BTK: variants seen among roughly 807,000 people sequenced by gnomAD.
BTK encodes Bruton tyrosine kinase, also known as tyrosine-protein kinase BTK.
A neutral mutation model predicts 57.4 loss-of-function variants in BTK; 5 were observed. That is an observed-to-expected ratio of 0.09 (90% CI 0.05 to 0.18). The LOEUF is 0.18. Ranked by LOEUF, BTK falls within the 10% of genes least tolerant of loss-of-function variation. BTK has a pLI of 1.00. For synonymous variants in BTK, 154 were observed against 174.3 expected (o/e 0.88, Z 0.92); for missense variants, 194 against 501.2 (o/e 0.39, Z 5.85).
chrX:101,376,661 A>C (rs1261786338), intron 1 of BTK, among the ~76,000 whole-genome samples: 1 of 108,772 alleles, frequency 9.2e-6, no homozygotes, highest in African/African-American at 3.3e-5. Flanking sequence ...ACAAAAAAAC[A>C]CTAAGTAAGT....
At chrX:101,350,693 C>T (rs190531365) in intron 18 of BTK, among the ~76,000 whole-genome samples, 197 of 110,977 alleles carry the variant, frequency 1.8e-3, no homozygotes, top group African/African-American at 6.2e-3. Flanking sequence ...GTAATTCCCC[C>T]GCCTCAGCCT....
intron 18 of BTK, among the ~76,000 whole-genome samples, chrX:101,351,873 A>G (rs1555977074): frequency 1.8e-5 from 2 of 111,962 alleles, no homozygotes; most frequent in East Asian, 2.8e-4. Context: ...TTTAAAAAAA[A>G]TCTCATTTAG....
At chrX:101,359,780 C>A (rs868958210) in intron 9 of BTK, among the ~76,000 whole-genome samples, 23 of 108,524 alleles carry the variant, frequency 2.1e-4, no homozygotes, top group Non-Finnish European at 1.9e-4. Flanking sequence ...AAAGGTAAGA[C>A]AGATACACTA....
chrX:101,367,790 T>C (rs1555979711), intron 5 of BTK, among the ~76,000 whole-genome samples: 1 of 111,766 alleles, frequency 8.9e-6, no homozygotes, highest in African/African-American at 3.2e-5. Context: ...CTTCAGCTAG[T>C]CTGCCTTGCA....
At chrX:101,381,096 T>G (rs1262056734) in intron 1 of BTK, among the ~76,000 whole-genome samples, 5 of 108,698 alleles carry the variant, frequency 4.6e-5, no homozygotes, top group African/African-American at 1.3e-4. Flanking sequence ...CAATATAATA[T>G]GTTAGGATTT....
chrX:101,352,989 C>T (rs1485379356), intron 18 of BTK: 18 of 399,727 alleles, frequency 4.5e-5, no homozygotes, highest in Non-Finnish European at 7.7e-5. Flanking sequence ...TCGCTTGAAT[C>T]TGGGAGGCGA....
chrX:101,359,257 A>G, intron 10 of BTK, 36 bp downstream of exon 10: 2 of 1,201,272 alleles, frequency 1.7e-6, no homozygotes, highest in Admixed American at 4.3e-5. Context: ...TCACTTATGC[A>G]AGGAGAATGC....
chrX:101,355,923 T>C (rs937880448), intron 15 of BTK, 129 bp downstream of exon 15: 7 of 709,369 alleles, frequency 9.9e-6, no homozygotes, highest in Non-Finnish European at 1.6e-5. Flanking sequence ...ACGCCTAACT[T>C]ATAGTACTTT....
At chrX:101,361,906 A>G (rs1555978744) in intron 7 of BTK, among the ~76,000 whole-genome samples, 1 of 112,862 alleles carries the variant, frequency 8.9e-6, no homozygotes, top group African/African-American at 3.2e-5. Flanking sequence ...AAACAAAAAC[A>G]AAAGCAAAAA....
intron 2 of BTK, 76 bp from the exon 3 acceptor site, chrX:101,374,710 C>T: frequency 1.1e-6 from 1 of 901,416 alleles, no homozygotes; most frequent in African/African-American, 1.9e-5. Flanking sequence ...ATTTTGTTAT[C>T]TAATCATTCA....
chrX:101,387,870 G>GTT (rs782432904), upstream of BTK, among the ~76,000 whole-genome samples: 24 of 95,582 alleles, frequency 2.5e-4, no homozygotes, highest in Admixed American at 4.6e-4. Flanking sequence ...CTTTTCTTCA[G>GTT]TTTTTTTTTT....
Position 101,360,723 on chromosome X carries a change from T to C in BTK, c.621A>G (p.Ala207=), listed in dbSNP as rs782252504. 8.3e-7 allele frequency: 1 copy of C among 1,211,966 alleles called. No individual in the cohort carries two copies. Among genetic ancestry groups the C allele is most frequent in the Admixed American group, 2.2e-5 (1 of 46,033 alleles). Residue 207 remains alanine, a synonymous_variant, in exon 8 of 19, where the codon GCA becomes GCG. Coordinates refer to ENST00000308731, the MANE Select transcript of BTK (RefSeq NM_000061.3). The part of the protein sequence containing the change: ...ILKKPLPPEP[A]AAPVSTSELK... ...GCTCACTTGTGGAGACTGGTGCTGC[T>C]GCTGGCTCAGGCGGTAGTGGCTTTT...
At chrX:101,355,628 A>C in intron 15 of BTK, 1 of 135,755 alleles carries the variant, frequency 7.4e-6, no homozygotes, top group South Asian at 2.3e-4. Flanking sequence ...AGGGTTTGCT[A>C]ATTATTATAT....
intron 5 of BTK, among the ~76,000 whole-genome samples, chrX:101,363,703 C>G (rs782099683): frequency 7.0e-5 from 7 of 99,420 alleles, no homozygotes; most frequent in Non-Finnish European, 1.2e-4. Context: ...GAGACTCTGT[C>G]TCAACAAAAA....
chrX:101,379,454 A>G (rs782408465), intron 1 of BTK, among the ~76,000 whole-genome samples: 1 of 111,813 alleles, frequency 8.9e-6, no homozygotes, highest in Non-Finnish European at 1.9e-5. Context: ...CTTCTACCTG[A>G]CAGGCATTTT....
At chrX:101,375,347 A>G in intron 1 of BTK, 33 bp from the exon 2 acceptor site, 2 of 1,177,501 alleles carry the variant, frequency 1.7e-6, no homozygotes, top group Non-Finnish European at 2.3e-6. Context: ...AGGACCCAGG[A>G]CATTAATCCT....
rs1028784183 is a variant in BTK, at chrX:101,366,288, T to A, written c.392-3599A>T. Among the ~76,000 whole-genome samples, 11 of 110,871 alleles carry A rather than the reference T, an allele frequency of 9.9e-5. No individual in the cohort carries two copies. In the South Asian group the frequency reaches 2.7e-3, roughly 27 times the overall value. ...CTCTCTCTCTCAAAATAAAAAAAAA[T>A]AAATAAATAAAATTGAGGTATAATT... is the stretch of plus-strand genomic sequence containing the variant. On this transcript the variant is annotated intron_variant, in intron 5 of 18. Transcript: ENST00000308731.
chrX:101,374,415 TA>T, intron 3 of BTK, 120 bp downstream of exon 3: 1 of 603,964 alleles, frequency 1.7e-6, no homozygotes. Flanking sequence ...GAAGAATTTT[TA>T]AAGGAAACTT....
chrX:101,388,991 G>A, upstream of BTK, among the ~76,000 whole-genome samples: 1 of 111,719 alleles, frequency 9.0e-6, no homozygotes, highest in Non-Finnish European at 1.9e-5. Context: ...CCACCTCGGT[G>A]TCAGCATTGG....
Sources: allele counts gnomAD v4.1 joint callset (sites outside exome capture counted in the v4.1 genomes callset), GRCh38; gene constraint gnomAD v4.1.1; transcripts MANE v1.5; gene names NCBI Gene and HGNC (gene_info 2026-07-23, HGNC 2026-07-21).